RBFOX1: variants seen among roughly 807,000 people sequenced by gnomAD.
The protein encoded by RBFOX1 is RNA binding protein fox-1 homolog 1.
In RBFOX1, 8 loss-of-function variants were observed where a neutral mutation model predicts 57.7. The observed-to-expected ratio is 0.14, with a 90% CI of 0.08 to 0.25. The LOEUF (loss-of-function observed/expected upper bound fraction) is 0.25, where lower values mean the gene tolerates loss of function less well. Ranked by LOEUF, RBFOX1 falls within the 10% of genes least tolerant of loss-of-function variation. The pLI is 1.00. For missense variants in RBFOX1, 611 were observed against 548.5 expected, an observed-to-expected ratio of 1.11 and a Z score of -1.14; for synonymous variants, 326 against 222.4, an observed-to-expected ratio of 1.47 and a Z score of -4.15.
intron 1 of RBFOX1, among the ~76,000 whole-genome samples, chr16:6,257,152 G>A (rs2097672945): frequency 6.6e-6 from 1 of 152,084 alleles, no homozygotes; most frequent in African/African-American, 2.4e-5. Flanking sequence ...TGCAGGACAT[G>A]CAGGTTTGTT....
chr16:6,884,950 A>G (rs997585700), intron 3 of RBFOX1, among the ~76,000 whole-genome samples: 1 of 152,200 alleles, frequency 6.6e-6, no homozygotes, highest in Non-Finnish European at 1.5e-5. Flanking sequence ...TTAAATCGTA[A>G]AACTGAGACC....
intron 4 of RBFOX1, among the ~76,000 whole-genome samples, chr16:7,265,515 C>G (rs1270153973): frequency 3.9e-5 from 6 of 152,138 alleles, no homozygotes; most frequent in East Asian, 1.9e-4. Flanking sequence ...GTGGCACGAT[C>G]TCAGCTCACT....
chr16:5,869,303 G>A (rs866677642), intron 4 of RBFOX1, among the ~76,000 whole-genome samples: 4 of 152,128 alleles, frequency 2.6e-5, no homozygotes, highest in Non-Finnish European at 4.4e-5. Flanking sequence ...ATCTTTCTTC[G>A]TTTCCCCAGA....
At chr16:7,122,686 C>A (rs952143794) in intron 4 of RBFOX1, among the ~76,000 whole-genome samples, 1 of 152,056 alleles carries the variant, frequency 6.6e-6, no homozygotes, top group African/African-American at 2.4e-5. Context: ...TAAGTATATG[C>A]TTATCATAGA....
chr16:6,384,466 A>G (rs1339307756), intron 2 of RBFOX1, among the ~76,000 whole-genome samples: 1 of 152,106 alleles, frequency 6.6e-6, no homozygotes, highest in Non-Finnish European at 1.5e-5. Context: ...TTTCCCTCCC[A>G]GAAGGCTTAA....
intron 3 of RBFOX1, among the ~76,000 whole-genome samples, chr16:6,931,127 G>T (rs761431049): frequency 1.3e-5 from 2 of 152,006 alleles, no homozygotes; most frequent in African/African-American, 4.8e-5. Context: ...TATAAAGGTT[G>T]TAGTTTTAAG....
intron 1 of RBFOX1, among the ~76,000 whole-genome samples, chr16:6,251,520 G>C (rs1005529234): frequency 6.6e-6 from 1 of 152,046 alleles, no homozygotes; most frequent in African/African-American, 2.4e-5. Flanking sequence ...ACATGGGTTT[G>C]GGGCTCTTTA....
intron 3 of RBFOX1, among the ~76,000 whole-genome samples, chr16:6,800,795 TA>T (rs2085252223): frequency 6.6e-6 from 1 of 152,128 alleles, no homozygotes; most frequent in Non-Finnish European, 1.5e-5. Flanking sequence ...CTTTTGAAAC[TA>T]AAATCTCATG....
intron 4 of RBFOX1, among the ~76,000 whole-genome samples, chr16:5,928,834 T>G (rs1273443982): frequency 6.6e-6 from 1 of 152,134 alleles, no homozygotes; most frequent in African/African-American, 2.4e-5. Flanking sequence ...TAGAAATCTT[T>G]TGTTTTTCCT....
intron 1 of RBFOX1, among the ~76,000 whole-genome samples, chr16:5,276,616 C>G (rs1413719288): frequency 1.3e-5 from 2 of 152,164 alleles, no homozygotes; most frequent in Non-Finnish European, 2.9e-5. Context: ...AACCCCGTCT[C>G]TACTGAAAAT....
At chr16:5,955,981 G>T (rs182306731) in intron 4 of RBFOX1, among the ~76,000 whole-genome samples, 68 of 152,240 alleles carry the variant, frequency 4.5e-4, no homozygotes, top group Admixed American at 1.4e-3. Flanking sequence ...AAATACATTG[G>T]CCATGCATGG....
intron 1 of RBFOX1, among the ~76,000 whole-genome samples, chr16:5,367,549 G>C (rs1237244573): frequency 2.0e-5 from 3 of 151,978 alleles, no homozygotes; most frequent in Non-Finnish European, 2.9e-5. Flanking sequence ...TGGAGTGTTA[G>C]GTTCTTACAA....
intron 2 of RBFOX1, among the ~76,000 whole-genome samples, chr16:6,551,043 C>T (rs74428399): frequency 6.6e-6 from 1 of 152,052 alleles, no homozygotes; most frequent in Non-Finnish European, 1.5e-5. Flanking sequence ...GATTTTGTTT[C>T]TCTTGGGGGC....
At chr16:7,134,662 T>A (rs890125239) in intron 4 of RBFOX1, among the ~76,000 whole-genome samples, 2 of 152,232 alleles carry the variant, frequency 1.3e-5, no homozygotes, top group Non-Finnish European at 2.9e-5. Flanking sequence ...TCCGTCAGCT[T>A]TCATTCACAT....
At chr16:6,694,027 A>G (rs189863560) in intron 3 of RBFOX1, among the ~76,000 whole-genome samples, 9 of 152,362 alleles carry the variant, frequency 5.9e-5, no homozygotes, top group African/African-American at 1.7e-4. Context: ...CTATTGTAAT[A>G]TAGGCATGTG....
At chr16:6,896,568 G>T (rs762088241) in intron 3 of RBFOX1, among the ~76,000 whole-genome samples, 2 of 152,088 alleles carry the variant, frequency 1.3e-5, no homozygotes, top group African/African-American at 2.4e-5. Context: ...ATAATCTCCA[G>T]TTCCATCTTT....
At chr16:7,568,462 G>A (rs35222431) in intron 5 of RBFOX1, among the ~76,000 whole-genome samples, 39,005 of 151,930 alleles carry the variant, frequency 0.26, 6,099 homozygotes, top group Non-Finnish European at 0.34. Flanking sequence ...GAACAGTGAG[G>A]ATGACCAGAG....
intron 2 of RBFOX1, among the ~76,000 whole-genome samples, chr16:6,518,749 G>A (rs540893359): frequency 6.6e-6 from 1 of 151,940 alleles, no homozygotes; most frequent in East Asian, 1.9e-4. Context: ...ATCTCTGTCT[G>A]TCTGTCTATC....
At position 7,667,313 on chromosome 16, in the gene RBFOX1, G is replaced by C. The variant is rs527348573; in HGVS notation, c.930+2345G>C. Among the ~76,000 whole-genome samples, 123 of 152,272 alleles carry C rather than the reference G, an allele frequency of 8.1e-4. 1 individual carries two copies. The highest frequency in any genetic ancestry group is 2.8e-3 in the African/African-American group (118 of 41,558). On this transcript the variant is annotated intron_variant, in intron 13 of 15. Transcript: ENST00000550418. ...GCCCAGCTCAGCAGCAGAACAAGAG[G>C]TCTTTGATGACCATAAGTTTAAGAA...
Sources: gnomAD v4.1 joint callset for allele counts (sites outside exome capture counted in the v4.1 genomes callset) on GRCh38, gnomAD v4.1.1 for gene constraint, MANE v1.5 for transcripts, NCBI Gene and HGNC (gene_info 2026-07-23, HGNC 2026-07-21) for gene names.